Variants in RGS7 observed in about 807,000 individuals in gnomAD.
The protein encoded by RGS7 is regulator of G protein signaling 7.
A neutral mutation model predicts 81.1 loss-of-function variants in RGS7; 27 were observed. The observed-to-expected ratio is 0.33, with a 90% CI of 0.25 to 0.46. The LOEUF (loss-of-function observed/expected upper bound fraction) is 0.46. Among genes scored for constraint, RGS7 ranks in the 20% least tolerant of loss-of-function variants. RGS7 has a pLI of 1.00. For synonymous variants in RGS7, 208 were observed against 207.7 expected (o/e 1.00, Z -0.01); for missense variants, 396 against 607.4 (o/e 0.65, Z 3.66).
chr1:240,990,956 T>G (rs1686368015), intron 3 of RGS7, among the ~76,000 whole-genome samples: 1 of 152,220 alleles, frequency 6.6e-6, no homozygotes, highest in Non-Finnish European at 1.5e-5. Flanking sequence ...CTCTTTAGAG[T>G]TCTCTGCCCC....
At chr1:241,088,970 G>A (rs1050573509) in intron 3 of RGS7, among the ~76,000 whole-genome samples, 4 of 147,242 alleles carry the variant, frequency 2.7e-5, no homozygotes, top group African/African-American at 1.0e-4. Flanking sequence ...GAGATGGCGC[G>A]AGTTGAGACT....
intron 3 of RGS7, among the ~76,000 whole-genome samples, chr1:241,019,492 G>A (rs2059434946): frequency 6.6e-6 from 1 of 152,010 alleles, no homozygotes; most frequent in African/African-American, 2.4e-5. Context: ...TTCTCCTAAT[G>A]CTATCCCTCC....
At chr1:241,315,086 CT>C (rs1185938615) in intron 2 of RGS7, among the ~76,000 whole-genome samples, 691 of 56,632 alleles carry the variant, frequency 0.012, 4 homozygotes, top group African/African-American at 0.04. Context: ...ACAGTAGAAG[CT>C]TTTTTTTTTT....
At chr1:241,085,495 G>T (rs1355794162) in intron 3 of RGS7, among the ~76,000 whole-genome samples, 1 of 152,072 alleles carries the variant, frequency 6.6e-6, no homozygotes, top group African/African-American at 2.4e-5. Flanking sequence ...CGTGATCTTG[G>T]CTCACTGCAA....
intron 16 of RGS7, among the ~76,000 whole-genome samples, chr1:240,801,880 T>C (rs1459444756): frequency 1.3e-5 from 2 of 152,182 alleles, no homozygotes; most frequent in Non-Finnish European, 2.9e-5. Context: ...AAAAAATTCC[T>C]ATTGACAACA....
chr1:240,852,613 T>C (rs1660317113), intron 9 of RGS7, among the ~76,000 whole-genome samples: 1 of 152,154 alleles, frequency 6.6e-6, no homozygotes, highest in South Asian at 2.1e-4. Flanking sequence ...TAACTGTTAT[T>C]ATCTACTGCC....
chr1:240,976,028 G>A (rs2148528686), intron 4 of RGS7, among the ~76,000 whole-genome samples: 1 of 152,324 alleles, frequency 6.6e-6, no homozygotes, highest in East Asian at 1.9e-4. Context: ...TTGTAACCCT[G>A]AGAATACCAT....
At chr1:241,299,565 T>C (rs577430656) in intron 2 of RGS7, among the ~76,000 whole-genome samples, 1 of 151,856 alleles carries the variant, frequency 6.6e-6, no homozygotes, top group Non-Finnish European at 1.5e-5. Context: ...CAGAAATGAT[T>C]TGAAATGAGT....
intron 2 of RGS7, among the ~76,000 whole-genome samples, chr1:241,320,827 G>A (rs1210687220): frequency 6.6e-6 from 1 of 152,178 alleles, no homozygotes; most frequent in Non-Finnish European, 1.5e-5. Context: ...AAGGGGTGCT[G>A]TGGGGTGTGG....
At chr1:240,985,974 TA>T (rs929085193) in intron 3 of RGS7, among the ~76,000 whole-genome samples, 1 of 150,936 alleles carries the variant, frequency 6.6e-6, no homozygotes, top group Non-Finnish European at 1.5e-5. Context: ...AATAAATAAA[TA>T]AATAAATAAA....
intron 6 of RGS7, among the ~76,000 whole-genome samples, chr1:240,892,148 T>C (rs1668382619): frequency 6.6e-6 from 1 of 152,216 alleles, no homozygotes; most frequent in African/African-American, 2.4e-5. Flanking sequence ...ATCATATAAC[T>C]CTATGCTAAT....
At chr1:241,202,934 TTC>T (rs2073630445) in intron 2 of RGS7, among the ~76,000 whole-genome samples, 1 of 152,124 alleles carries the variant, frequency 6.6e-6, no homozygotes, top group Non-Finnish European at 1.5e-5. Flanking sequence ...AGAAACATGC[TTC>T]TGAGTCCCTC....
intron 2 of RGS7, among the ~76,000 whole-genome samples, chr1:241,145,139 C>T (rs2068219503): frequency 6.6e-6 from 1 of 151,960 alleles, no homozygotes; most frequent in Admixed American, 6.6e-5. Context: ...GCCTCAGCCT[C>T]CCGAGTGGCT....
chr1:241,088,340 CA>C (rs2063603966), intron 3 of RGS7, among the ~76,000 whole-genome samples: 1 of 151,728 alleles, frequency 6.6e-6, no homozygotes, highest in Non-Finnish European at 1.5e-5. Flanking sequence ...AACACGCCAC[CA>C]AAAAACATAC....
At chr1:240,974,293 A>G (rs939232158) in intron 4 of RGS7, among the ~76,000 whole-genome samples, 1 of 152,170 alleles carries the variant, frequency 6.6e-6, no homozygotes, top group African/African-American at 2.4e-5. Flanking sequence ...CCTTAATCTT[A>G]TTCTTCTATC....
intron 9 of RGS7, among the ~76,000 whole-genome samples, chr1:240,847,613 T>A (rs1467753446): frequency 6.6e-6 from 1 of 152,204 alleles, no homozygotes; most frequent in Non-Finnish European, 1.5e-5. Flanking sequence ...CTTGACACAA[T>A]GTTGCCCTCC....
intron 2 of RGS7, among the ~76,000 whole-genome samples, chr1:241,157,396 A>G (rs766934952): frequency 2.6e-5 from 4 of 152,204 alleles, no homozygotes; most frequent in African/African-American, 9.6e-5. Flanking sequence ...GGGTCCCCCT[A>G]CATAGGCTTC....
At chr1:240,973,043 C>A (rs1239949635) in intron 4 of RGS7, among the ~76,000 whole-genome samples, 1 of 148,158 alleles carries the variant, frequency 6.7e-6, no homozygotes, top group Non-Finnish European at 1.5e-5. Context: ...GAGAAAGACT[C>A]CAATTAAAAA....
intron 18 of RGS7, among the ~76,000 whole-genome samples, chr1:240,793,611 A>ATATATATATTTTTTTTTTTTTTT: frequency 1.3e-5 from 1 of 78,870 alleles, no homozygotes; most frequent in African/African-American, 9.7e-5. Flanking sequence ...ATATATATAT[A>ATATATATATTTTTTTTTTTTTTT]TTTTTTTTTT....
Sources: allele counts gnomAD v4.1 joint callset (sites outside exome capture counted in the v4.1 genomes callset), GRCh38; gene constraint gnomAD v4.1.1; transcripts MANE v1.5; gene names NCBI Gene and HGNC (gene_info 2026-07-23, HGNC 2026-07-21).